The following CACNB2 variants were observed in gnomAD, a reference collection of about 807,000 sequenced individuals.
CACNB2 encodes calcium voltage-gated channel auxiliary subunit beta 2.
Under a neutral mutation model 73.3 loss-of-function variants are expected in CACNB2, and 42 were observed. The ratio of observed to expected loss-of-function variants is 0.57; its 90% CI spans 0.45 to 0.74. The LOEUF (loss-of-function observed/expected upper bound fraction) is 0.74, where lower values mean the gene tolerates loss of function less well. Ranked by LOEUF, CACNB2 falls within the 30% of genes least tolerant of loss-of-function variation. The probability of loss-of-function intolerance (pLI) is 0.00; values close to 1 mark genes in which losing one functional copy is unlikely to be tolerated. For missense variants in CACNB2, 940 were observed against 853.0 expected (o/e 1.10, Z -1.27); for synonymous variants, 348 against 310.3 (o/e 1.12, Z -1.28).
chr10:18,498,137 GCCTTTTTCTAGTTC>G (rs1163493310), intron 3 of CACNB2, among the ~76,000 whole-genome samples: 1 of 152,148 alleles, frequency 6.6e-6, no homozygotes, highest in Admixed American at 6.6e-5. Context: ...GAGAACAATG[GCCTTTTTCTAGTTC>G]AGAAATGGGT....
chr10:18,287,151 A>G (rs753179999), intron 2 of CACNB2, among the ~76,000 whole-genome samples: 4 of 151,976 alleles, frequency 2.6e-5, no homozygotes, highest in Non-Finnish European at 4.4e-5. Context: ...CAACATAGTG[A>G]AACCCCGTCT....
At chr10:18,231,176 T>C (rs1281079658) in intron 2 of CACNB2, among the ~76,000 whole-genome samples, 1 of 152,138 alleles carries the variant, frequency 6.6e-6, no homozygotes, top group Non-Finnish European at 1.5e-5. Context: ...TCAACTCTTT[T>C]TTCTTCTTCT....
chr10:18,315,525 A>C (rs1453813525), intron 2 of CACNB2, among the ~76,000 whole-genome samples: 3 of 133,542 alleles, frequency 2.2e-5, no homozygotes, highest in East Asian at 2.0e-4. Flanking sequence ...AAAAAAAAAA[A>C]AAACTTTTTT....
intron 2 of CACNB2, among the ~76,000 whole-genome samples, chr10:18,201,124 T>C (rs1002943511): frequency 1.3e-5 from 2 of 152,332 alleles, no homozygotes; most frequent in African/African-American, 4.8e-5. Context: ...ACTGGGAACA[T>C]TTTATCTATG....
At chr10:18,401,540 A>G (rs1354105127) in intron 2 of CACNB2, among the ~76,000 whole-genome samples, 1 of 152,184 alleles carries the variant, frequency 6.6e-6, no homozygotes, top group African/African-American at 2.4e-5. Context: ...TGTTAAGCTT[A>G]ATGTCCTCCT....
chr10:18,357,168 CTCCTGACCTCGTGA>C (rs966219554), intron 2 of CACNB2, among the ~76,000 whole-genome samples: 1 of 151,328 alleles, frequency 6.6e-6, no homozygotes, highest in Non-Finnish European at 1.5e-5. Context: ...TGGTCTCGAT[CTCCTGACCTCGTGA>C]TCCGCCCGTC....
At chr10:18,416,761 G>A (rs927432927) in intron 3 of CACNB2, among the ~76,000 whole-genome samples, 7 of 152,196 alleles carry the variant, frequency 4.6e-5, no homozygotes, top group South Asian at 4.2e-4. Context: ...GTTTCACAGC[G>A]GCTCAGTGTT....
At chr10:18,403,677 A>C (rs2044127568) in intron 3 of CACNB2, among the ~76,000 whole-genome samples, 1 of 152,210 alleles carries the variant, frequency 6.6e-6, no homozygotes, top group African/African-American at 2.4e-5. Flanking sequence ...CATGGATCGA[A>C]ATGTTGCTCC....
intron 2 of CACNB2, among the ~76,000 whole-genome samples, chr10:18,349,343 C>T (rs745692610): frequency 2.0e-5 from 3 of 152,086 alleles, no homozygotes; most frequent in African/African-American, 2.4e-5. Flanking sequence ...ACCGTTTTCC[C>T]GGAGCTCCGG....
Position 18,489,176 on chromosome 10 carries a change from G to A in CACNB2, c.334-9179G>A, listed in dbSNP as rs977311989. On this transcript the variant is annotated intron_variant, in intron 3 of 13. Coordinates refer to ENST00000324631, the MANE Select transcript of CACNB2 (RefSeq NM_201596.3). The stretch of plus-strand genomic sequence containing the variant: ...AAAATACAAAAAATTAGTGAGCCGC[G>A]CCACTGCACTCCAGCCTGGGTGACA... Among the ~76,000 whole-genome samples the A allele has an allele frequency of 5.3e-5, 8 of 151,894 alleles. No individual in the cohort carries two copies. The South Asian group carries it at 1.3e-3, about 24-fold the overall frequency.
At chr10:18,343,232 T>G (rs549553779) in intron 2 of CACNB2, among the ~76,000 whole-genome samples, 1 of 152,344 alleles carries the variant, frequency 6.6e-6, no homozygotes, top group East Asian at 1.9e-4. Flanking sequence ...GCCATTATTC[T>G]TAGACCCAGA....
Position 18,141,240 on chromosome 10 carries a change from G to T in CACNB2, c.120+384G>T, listed in dbSNP as rs200606264. On this transcript the variant is annotated intron_variant, in intron 1 of 13. Transcript: ENST00000324631. ...CGTGAGTCCGGGTGGGCGGGAGGGG[G>T]CCCGCTTCCCGCAGCGCTTTCTACG... 1,939 of 1,358,928 alleles carry T rather than the reference G, an allele frequency of 1.4e-3. 28 individuals carry two copies. The African/African-American group carries it at 0.024, about 17-fold the overall frequency. 84.2% of individuals were successfully genotyped at this position (1,358,928 alleles called of 1,614,324 possible). A position where few individuals can be genotyped will look rare whatever the true frequency, so the allele number is the denominator to read the frequency against.
intron 2 of CACNB2, among the ~76,000 whole-genome samples, chr10:18,249,371 G>C (rs1240697216): frequency 6.6e-6 from 1 of 151,380 alleles, no homozygotes; most frequent in Non-Finnish European, 1.5e-5. Context: ...TTTCTTACCT[G>C]TAATACCTCC....
intron 2 of CACNB2, among the ~76,000 whole-genome samples, chr10:18,255,759 T>C (rs1295170994): frequency 1.3e-5 from 2 of 152,222 alleles, no homozygotes; most frequent in African/African-American, 4.8e-5. Context: ...AATGAGTATT[T>C]AAGCAGGTGT....
intron 2 of CACNB2, among the ~76,000 whole-genome samples, chr10:18,154,011 A>G (rs17604757): frequency 0.07 from 10,620 of 151,772 alleles, 393 homozygotes; most frequent in South Asian, 0.092. Flanking sequence ...GGGAACATAT[A>G]TAATTGGTAT....
chr10:18,519,068 T>C (rs2051570321), intron 9 of CACNB2, 100 bp downstream of exon 9: 1 of 926,876 alleles, frequency 1.1e-6, no homozygotes, highest in African/African-American at 1.6e-5. Flanking sequence ...GGCCCTCTGA[T>C]GTCTATATGA....
At chr10:18,428,327 AT>A (rs2045709221) in intron 3 of CACNB2, among the ~76,000 whole-genome samples, 1 of 152,016 alleles carries the variant, frequency 6.6e-6, no homozygotes, top group Non-Finnish European at 1.5e-5. Flanking sequence ...CTACAATCTT[AT>A]TTTGTCCTTT....
chr10:18,341,422 A>C (rs144267613), intron 2 of CACNB2, among the ~76,000 whole-genome samples: 21 of 152,314 alleles, frequency 1.4e-4, no homozygotes, highest in African/African-American at 5.1e-4. Context: ...CAACTTTAGA[A>C]ATTTTGAATT....
intron 7 of CACNB2, among the ~76,000 whole-genome samples, chr10:18,516,509 C>G (rs1484887133): frequency 6.6e-6 from 1 of 152,168 alleles, no homozygotes; most frequent in African/African-American, 2.4e-5. Context: ...AGGAAATTTA[C>G]ATTCATAATT....
Sources: gnomAD v4.1 joint callset for allele counts (sites outside exome capture counted in the v4.1 genomes callset) on GRCh38, gnomAD v4.1.1 for gene constraint, MANE v1.5 for transcripts, NCBI Gene and HGNC (gene_info 2026-07-23, HGNC 2026-07-21) for gene names.